PRR16: variants seen among roughly 807,000 people sequenced by gnomAD.
The protein encoded by PRR16 is protein Largen.
A neutral mutation model predicts 18.2 loss-of-function variants in PRR16; 6 were observed. The ratio of observed to expected loss-of-function variants is 0.33; its 90% CI spans 0.18 to 0.65. PRR16 has a LOEUF of 0.65. Among genes scored for constraint, PRR16 ranks in the 30% least tolerant of loss-of-function variants. The pLI is 0.74. For synonymous variants in PRR16, 151 were observed against 147.8 expected (o/e 1.02, Z -0.16); for missense variants, 412 against 376.6 (o/e 1.09, Z -0.78).
the PRR16 span, among the ~76,000 whole-genome samples, chr5:120,735,302 G>A: frequency 2.0e-5 from 3 of 152,198 alleles, no homozygotes; most frequent in South Asian, 6.2e-4. Flanking sequence ...TGGCTATTGT[G>A]AGTAATGCTG....
intron 1 of PRR16, among the ~76,000 whole-genome samples, chr5:120,541,696 C>T (rs2112683884): frequency 6.6e-6 from 1 of 152,126 alleles, no homozygotes; most frequent in East Asian, 1.9e-4. Flanking sequence ...TCATTTCTGC[C>T]TTCTTTTTTT....
At chr5:120,728,041 T>C in the PRR16 span, among the ~76,000 whole-genome samples, 1 of 151,988 alleles carries the variant, frequency 6.6e-6, no homozygotes, top group Non-Finnish European at 1.5e-5. Context: ...GTGTTTGTGA[T>C]ATAATATCAC....
chr5:120,694,588 G>T, the PRR16 span, among the ~76,000 whole-genome samples: 1 of 151,650 alleles, frequency 6.6e-6, no homozygotes, highest in South Asian at 2.1e-4. Context: ...GGAGGCTGAG[G>T]CAGGAGAATG....
chr5:120,708,315 TATCAAA>T, the PRR16 span, among the ~76,000 whole-genome samples: 2 of 152,242 alleles, frequency 1.3e-5, no homozygotes, highest in Non-Finnish European at 2.9e-5. Context: ...GTAATGAATT[TATCAAA>T]AACTTTAAAA....
chr5:120,501,428 C>CAG (rs1750449918), intron 1 of PRR16, among the ~76,000 whole-genome samples: 1 of 152,016 alleles, frequency 6.6e-6, no homozygotes, highest in African/African-American at 2.4e-5. Context: ...CACATACACA[C>CAG]ACACACTCAA....
In PRR16 at chr5:120,686,311, T is replaced by G. The variant is rs140122947; in HGVS notation, c.517T>G (p.Cys173Gly). 3 of 1,614,140 alleles carry G rather than the reference T, an allele frequency of 1.9e-6. No individual in the cohort carries two copies. In the Admixed American group the frequency reaches 5.0e-5, roughly 27 times the overall value. The change falls in exon 2 of 2, where the codon TGC becomes GGC. Residue 173 changes from cysteine to glycine, a missense_variant. Transcript: ENST00000407149. The stretch of plus-strand genomic sequence containing the variant: ...CAAAATTCCAAATGGAGATATCTGC[T>G]GCATACCCAACAGTAACTTGGACAA... ...PNKIPNGDIC[C>G]IPNSNLDKAP...
chr5:120,523,569 A>T (rs1751255951), intron 1 of PRR16, among the ~76,000 whole-genome samples: 1 of 152,194 alleles, frequency 6.6e-6, no homozygotes, highest in African/African-American at 2.4e-5. Flanking sequence ...CATTCACTGA[A>T]GAAAAAATTA....
At chr5:120,561,122 A>G (rs1215815718) in intron 1 of PRR16, among the ~76,000 whole-genome samples, 1 of 151,150 alleles carries the variant, frequency 6.6e-6, no homozygotes, top group East Asian at 2.0e-4. Flanking sequence ...ATTTATTTAT[A>G]CTCTGATCTT....
At chr5:120,693,413 ATTTCT>A in the PRR16 span, among the ~76,000 whole-genome samples, 3 of 152,226 alleles carry the variant, frequency 2.0e-5, no homozygotes, top group Non-Finnish European at 2.9e-5. Context: ...CCCCAGATGA[ATTTCT>A]AAGGCAATGG....
At chr5:120,585,524 CA>C in intron 1 of PRR16, among the ~76,000 whole-genome samples, 1 of 151,678 alleles carries the variant, frequency 6.6e-6, no homozygotes, top group Admixed American at 6.6e-5. Flanking sequence ...GAGGCTGAGA[CA>C]GGAGAATCTC....
chr5:120,620,443 T>G (rs963198441), intron 1 of PRR16, among the ~76,000 whole-genome samples: 1 of 152,128 alleles, frequency 6.6e-6, no homozygotes, highest in Non-Finnish European at 1.5e-5. Context: ...AAAACAACTA[T>G]AGATATTATT....
chr5:120,554,948 C>T (rs1286849764), intron 1 of PRR16, among the ~76,000 whole-genome samples: 1 of 151,902 alleles, frequency 6.6e-6, no homozygotes, highest in African/African-American at 2.4e-5. Flanking sequence ...AGACACTCTC[C>T]ATTTGGGGAG....
chr5:120,655,038 C>T (rs1755919340), intron 1 of PRR16, among the ~76,000 whole-genome samples: 1 of 151,838 alleles, frequency 6.6e-6, no homozygotes, highest in Admixed American at 6.6e-5. Context: ...CATTCTTTAT[C>T]TCATGTACAC....
At chr5:120,723,891 A>C in the PRR16 span, among the ~76,000 whole-genome samples, 1 of 151,744 alleles carries the variant, frequency 6.6e-6, no homozygotes, top group Non-Finnish European at 1.5e-5. Context: ...TTTTATTCTT[A>C]AGGTTTTGCA....
At chr5:120,718,016 A>G in the PRR16 span, among the ~76,000 whole-genome samples, 1 of 152,152 alleles carries the variant, frequency 6.6e-6, no homozygotes, top group Non-Finnish European at 1.5e-5. Context: ...TACAAAAGAT[A>G]AAAGCCTTGT....
the PRR16 span, among the ~76,000 whole-genome samples, chr5:120,779,946 A>T: frequency 6.6e-6 from 1 of 152,126 alleles, no homozygotes; most frequent in Non-Finnish European, 1.5e-5. Context: ...ATCTACAAAA[A>T]TTTATATCTG....
the PRR16 span, among the ~76,000 whole-genome samples, chr5:120,751,912 T>G: frequency 6.6e-6 from 1 of 152,066 alleles, no homozygotes; most frequent in Non-Finnish European, 1.5e-5. Flanking sequence ...TCCTCAGAAT[T>G]ATGTGATATT....
Position 120,554,700 on chromosome 5 carries a change from G to GA in PRR16, c.159+90056dup, listed in dbSNP as rs113887186. Among the ~76,000 whole-genome samples, 538 of 151,962 alleles carry GA rather than the reference G, an allele frequency of 3.5e-3. 3 individuals carry two copies. Among genetic ancestry groups the GA allele is most frequent in the African/African-American group, 0.012 (501 of 41,500 alleles). On this transcript the variant is annotated intron_variant, in intron 1 of 1. Coordinates refer to ENST00000407149, the MANE Select transcript of PRR16 (RefSeq NM_001300783.2). Reference sequence around the variant, plus strand: ...TTCATGTAAGTCTCACAACAGCCTAGATTCCAGCCTTCCCAGCTTACATTA... The same window carrying GA: ...TTCATGTAAGTCTCACAACAGCCTAGAATTCCAGCCTTCCCAGCTTACATTA...
chr5:120,587,259 T>C (rs1277315184), intron 1 of PRR16, among the ~76,000 whole-genome samples: 1 of 152,176 alleles, frequency 6.6e-6, no homozygotes, highest in Non-Finnish European at 1.5e-5. Flanking sequence ...CAGCAGCAGA[T>C]GATGGAGAAG....
Sources: gnomAD v4.1 joint callset for allele counts (sites outside exome capture counted in the v4.1 genomes callset) on GRCh38, gnomAD v4.1.1 for gene constraint, MANE v1.5 for transcripts, NCBI Gene and HGNC (gene_info 2026-07-23, HGNC 2026-07-21) for gene names.